The following HTR5A variants were observed in gnomAD, a reference collection of about 807,000 sequenced individuals.
HTR5A encodes 5-hydroxytryptamine receptor 5A.
HTR5A carries 21 observed loss-of-function variants against 24.3 expected under a neutral mutation model. The ratio of observed to expected loss-of-function variants is 0.86; its 90% CI spans 0.61 to 1.24. The LOEUF is 1.24. Among genes scored for constraint, HTR5A ranks in the 50% most tolerant of loss-of-function variants. The pLI is 0.00. For missense variants in HTR5A, 497 were observed against 489.5 expected (o/e 1.02, Z -0.15); for synonymous variants, 260 against 213.7 (o/e 1.22, Z -1.89).
rs370347426 is a variant in HTR5A, at chr7:155,085,142, G to A, written c.*655G>A. 6.6e-6 allele frequency: 1 copy of A among 152,224 alleles called. No individual in the cohort carries two copies. Among genetic ancestry groups the A allele is most frequent in the African/African-American group, 2.4e-5 (1 of 41,428 alleles). 9.4% of individuals were successfully genotyped at this position (152,224 alleles called of 1,614,324 possible). On this transcript the variant is annotated 3_prime_UTR_variant, in exon 2 of 2. Coordinates refer to ENST00000287907, the MANE Select transcript of HTR5A (RefSeq NM_024012.4). ...ACACACACAACTATGAAAGAGGCAG[G>A]TGTTCTAGCTAGCTAGTTTACTCCA...
rs188037574 is a variant in HTR5A at position 155,072,017 on chromosome 7, C to T, written c.741+377C>T. ...GATTCAGTACACTGGAAAAAACTAG[C>T]AGCTTCCAGCACTTAGAATGGGGGT... On this transcript the variant is annotated intron_variant, in intron 1 of 1. Coordinates refer to ENST00000287907, the MANE Select transcript of HTR5A (RefSeq NM_024012.4). Among the ~76,000 whole-genome samples the T allele has an allele frequency of 1.8e-3, 269 of 152,292 alleles. 2 individuals are homozygous for T. Among genetic ancestry groups the T allele is most frequent in the African/African-American group, 6.3e-3 (260 of 41,564 alleles).
intron 1 of HTR5A, among the ~76,000 whole-genome samples, chr7:155,073,900 T>TAC (rs138977328): frequency 0.047 from 1,042 of 22,372 alleles, 29 homozygotes; most frequent in African/African-American, 0.059. Context: ...TATATATATA[T>TAC]ATATATATAT....
At chr7:155,080,646 C>T (rs1234919213) in intron 1 of HTR5A, among the ~76,000 whole-genome samples, 4 of 152,226 alleles carry the variant, frequency 2.6e-5, no homozygotes, top group Non-Finnish European at 5.9e-5. Flanking sequence ...CTATGCTTGT[C>T]AGCAGTCTCC....
chr7:155,071,403 C>G lies in HTR5A; in HGVS notation c.504C>G (p.Leu168=). 6.2e-7 allele frequency: 1 copy of G among 1,614,162 alleles called. No individual in the cohort carries two copies. Among genetic ancestry groups the G allele is most frequent in the East Asian group, 2.2e-5 (1 of 44,882 alleles). ...SNVMIALTWA[L]SAVISLAPLL... The stretch of plus-strand genomic sequence containing the variant: ...TCATGATCGCGCTCACCTGGGCACT[C>G]TCCGCTGTCATCTCTCTGGCCCCGC... Residue 168 remains leucine, a synonymous_variant, in exon 1 of 2, where the codon CTC becomes CTG. Transcript: ENST00000287907.
At chr7:155,073,897 A>ATATACGTATATATATACG (rs1554519636) in intron 1 of HTR5A, among the ~76,000 whole-genome samples, 4 of 19,826 alleles carry the variant, frequency 2.0e-4, no homozygotes, top group African/African-American at 2.4e-4. Flanking sequence ...ATGTATATAT[A>ATATACGTATATATATACG]TATATATATA....
intron 1 of HTR5A, among the ~76,000 whole-genome samples, chr7:155,077,855 G>A (rs1026116508): frequency 6.6e-6 from 1 of 152,158 alleles, no homozygotes; most frequent in South Asian, 2.1e-4. Flanking sequence ...CTTTAAAAAT[G>A]TACATGGAAT....
chr7:155,077,410 A>G (rs918189155), intron 1 of HTR5A, among the ~76,000 whole-genome samples: 2 of 151,390 alleles, frequency 1.3e-5, no homozygotes, highest in Admixed American at 6.6e-5. Context: ...TCAATTTGTC[A>G]TTCATTATCT....
chr7:155,074,672 C>T (rs542735112), intron 1 of HTR5A: 1 of 152,212 alleles, frequency 6.6e-6, no homozygotes, highest in East Asian at 1.9e-4. Flanking sequence ...ACCCTAATTG[C>T]CCTCCCATCC....
chr7:155,080,690 C>T (rs535955469), intron 1 of HTR5A, among the ~76,000 whole-genome samples: 5 of 152,302 alleles, frequency 3.3e-5, no homozygotes, highest in South Asian at 4.1e-4. Context: ...ATCCATGATT[C>T]GGGGCAGTGT....
intron 1 of HTR5A, among the ~76,000 whole-genome samples, chr7:155,074,102 G>A (rs943877041): frequency 1.3e-5 from 2 of 151,816 alleles, no homozygotes; most frequent in African/African-American, 2.4e-5. Context: ...GTGATAATGG[G>A]AGTGGGTGTC....
At chr7:155,071,682 T>C (rs1795297367) in intron 1 of HTR5A, 42 bp downstream of exon 1, 1 of 1,589,550 alleles carries the variant, frequency 6.3e-7, no homozygotes, top group African/African-American at 1.3e-5. Context: ...GACTTGCATC[T>C]GTACAGGCTA....
At chr7:155,073,743 T>C (rs1795324341) in intron 1 of HTR5A, among the ~76,000 whole-genome samples, 1 of 151,584 alleles carries the variant, frequency 6.6e-6, no homozygotes, top group Non-Finnish European at 1.5e-5. Context: ...CAAGGCTTCC[T>C]GTAAAAGGAT....
In HTR5A at chr7:155,084,262, C is replaced by T. The variant is rs113935396; in HGVS notation, c.849C>T (p.Ala283=). The T allele has an allele frequency of 3.5e-3, 5,684 of 1,614,106 alleles. 82 individuals are homozygous for T. The African/African-American group carries it at 0.042, about 12-fold the overall frequency. Residue 283 remains alanine, a synonymous_variant, in exon 2 of 2, where the codon GCC becomes GCT. Coordinates refer to ENST00000287907, the MANE Select transcript of HTR5A (RefSeq NM_024012.4). ...DTWREQKEQR[A]ALMVGILIGV... The stretch of plus-strand genomic sequence containing the variant: ...GGCGGGAGCAGAAGGAGCAGCGGGC[C>T]GCCCTCATGGTGGGCATCCTCATTG...
chr7:155,072,850 A>G (rs1795312335), intron 1 of HTR5A, among the ~76,000 whole-genome samples: 1 of 152,110 alleles, frequency 6.6e-6, no homozygotes, highest in Non-Finnish European at 1.5e-5. Context: ...CAGTCAGTCA[A>G]ACTTAGAGGG....
At chr7:155,081,862 T>G (rs927931044) in intron 1 of HTR5A, among the ~76,000 whole-genome samples, 5 of 152,222 alleles carry the variant, frequency 3.3e-5, no homozygotes, top group Admixed American at 3.3e-4. Context: ...GTGTCACTCT[T>G]TCTTCTGTCA....
At chr7:155,081,424 T>G (rs796275447) in intron 1 of HTR5A, among the ~76,000 whole-genome samples, 9 of 152,316 alleles carry the variant, frequency 5.9e-5, no homozygotes, top group Admixed American at 3.9e-4. Context: ...CTAACACATA[T>G]GTACCTGTCC....
At chr7:155,079,105 C>A (rs1795389151) in intron 1 of HTR5A, among the ~76,000 whole-genome samples, 1 of 151,988 alleles carries the variant, frequency 6.6e-6, no homozygotes, top group South Asian at 2.1e-4. Context: ...CAGGGATATG[C>A]CACCACACCT....
rs1795295692 is a variant in HTR5A at position 155,071,565 on chromosome 7, G to C, written c.666G>C (p.Lys222Asn). 5 of 1,614,086 alleles carry C rather than the reference G, an allele frequency of 3.1e-6. No individual in the cohort carries two copies. In the Admixed American group the frequency reaches 5.0e-5, roughly 16 times the overall value. Residue 222 changes from lysine (K) to asparagine (N), a missense_variant, in exon 1 of 2, where the codon AAG (lysine) becomes AAC (asparagine). Transcript: ENST00000287907. Reference protein sequence around the residue: ...PLCVVLFVYWKIYKAAKFRVG... With the variant: ...PLCVVLFVYWNIYKAAKFRVG... ...GTGTGGTGCTCTTCGTGTACTGGAA[G>C]ATCTACAAGGCTGCCAAGTTCCGCG...
intron 1 of HTR5A, among the ~76,000 whole-genome samples, chr7:155,082,587 G>C (rs1045168708): frequency 6.6e-6 from 1 of 152,208 alleles, no homozygotes; most frequent in Non-Finnish European, 1.5e-5. Context: ...ATGTGCCAAG[G>C]GGAAGGAGAC....
Sources: gnomAD v4.1 joint callset for allele counts (sites outside exome capture counted in the v4.1 genomes callset) on GRCh38, gnomAD v4.1.1 for gene constraint, MANE v1.5 for transcripts, NCBI Gene and HGNC (gene_info 2026-07-23, HGNC 2026-07-21) for gene names.